Variants in VTI1A observed in about 807,000 individuals in gnomAD.
The protein encoded by VTI1A is vesicle transport through interaction with t-SNAREs 1A.
Under a neutral mutation model 34.9 loss-of-function variants are expected in VTI1A, and 22 were observed. That is an observed-to-expected ratio of 0.63 (90% CI 0.45 to 0.90). VTI1A has a LOEUF of 0.90. Among genes scored for constraint, VTI1A ranks in the 40% least tolerant of loss-of-function variants. The pLI, the probability that VTI1A is intolerant of heterozygous loss-of-function variation, is 0.00. For synonymous variants in VTI1A, 87 were observed against 97.3 expected (o/e 0.89, Z 0.62); for missense variants, 268 against 275.6 (o/e 0.97, Z 0.20).
chr10:112,742,492 A>G (rs549765992), intron 7 of VTI1A, among the ~76,000 whole-genome samples: 2 of 152,270 alleles, frequency 1.3e-5, no homozygotes, highest in South Asian at 4.1e-4. Context: ...ACCCAAAACT[A>G]TTTTTCTTCC....
chr10:112,736,111 GTATATATATATA>G, intron 7 of VTI1A, among the ~76,000 whole-genome samples: 1 of 116,224 alleles, frequency 8.6e-6, no homozygotes, highest in East Asian at 2.4e-4. Flanking sequence ...ATGTGTGTGT[GTATATATATATA>G]TATATATATA....
In VTI1A at chr10:112,799,553, A is replaced by C. The variant is rs1852800916; in HGVS notation, c.561-15737A>C. 2.6e-5 allele frequency among the ~76,000 whole-genome samples: 4 copies of C among 151,978 alleles called. No homozygotes were observed. In the South Asian group the frequency reaches 8.3e-4, roughly 31 times the overall value. On this transcript the variant is annotated intron_variant, in intron 7 of 7. Coordinates refer to ENST00000393077, the MANE Select transcript of VTI1A (RefSeq NM_145206.4). ...CTGATGCCTACAGCCTGCAGACTGG[A>C]TCTCCCCCACCCTCACAGGACTTTC... is the stretch of plus-strand genomic sequence containing the variant.
At chr10:112,786,189 T>A (rs1852282267) in intron 7 of VTI1A, among the ~76,000 whole-genome samples, 1 of 152,252 alleles carries the variant, frequency 6.6e-6, no homozygotes, top group Non-Finnish European at 1.5e-5. Context: ...TTTCTAAGTT[T>A]TGCATTCTTT....
rs1317182057 is a variant in VTI1A, at chr10:112,696,603, A to G, written c.560+27605A>G. The stretch of plus-strand genomic sequence containing the variant: ...TGGTCAAAATAAAACTATTAAACAT[A>G]AACTAAGAAAACCTATGAGCAACTT... On this transcript the variant is annotated intron_variant, in intron 7 of 7. Transcript: ENST00000393077. 2.6e-5 allele frequency among the ~76,000 whole-genome samples: 4 copies of G among 152,246 alleles called. No individual in the cohort carries two copies. In the East Asian group the frequency reaches 7.7e-4, roughly 29 times the overall value.
intron 7 of VTI1A, among the ~76,000 whole-genome samples, chr10:112,804,612 C>T (rs980746477): frequency 2.0e-5 from 3 of 152,182 alleles, no homozygotes; most frequent in African/African-American, 7.2e-5. Flanking sequence ...AGATTATGGG[C>T]ACAGAACACA....
At chr10:112,601,767 T>C (rs1483105021) in intron 5 of VTI1A, among the ~76,000 whole-genome samples, 1 of 152,196 alleles carries the variant, frequency 6.6e-6, no homozygotes, top group East Asian at 1.9e-4. Context: ...CTCTGAGGTA[T>C]CACTATTAGT....
chr10:112,831,668 G>A, the VTI1A span: 1 of 152,280 alleles, frequency 6.6e-6, no homozygotes, highest in Middle Eastern at 3.4e-3. Context: ...GATTTTGATA[G>A]CCCAAGTGAA....
rs75010809 is a variant in VTI1A at position 112,751,026 on chromosome 10, G to A, written c.561-64264G>A. 9.2e-3 allele frequency among the ~76,000 whole-genome samples: 1,396 copies of A among 152,246 alleles called. 11 individuals carry two copies. Among genetic ancestry groups the A allele is most frequent in the Non-Finnish European group, 0.014 (963 of 68,018 alleles). On this transcript the variant is annotated intron_variant, in intron 7 of 7. Transcript: ENST00000393077. ...CCCCTATTTTTAAGTGTGAGTGTATGAATGTGTGTTTTGTTCTCTTCCTTT... is the reference window on the plus strand; with the variant it reads ...CCCCTATTTTTAAGTGTGAGTGTATAAATGTGTGTTTTGTTCTCTTCCTTT...
chr10:112,752,686 A>T (rs546006361), intron 7 of VTI1A: 1 of 504,552 alleles, frequency 2.0e-6, no homozygotes, highest in African/African-American at 2.1e-5. Context: ...GCCTCCACTT[A>T]GGAAACTATG....
intron 7 of VTI1A, among the ~76,000 whole-genome samples, chr10:112,710,803 CTG>C (rs150496095): frequency 6.6e-5 from 10 of 150,724 alleles, no homozygotes; most frequent in African/African-American, 1.5e-4. Context: ...CCATGTGTAT[CTG>C]TGTGTGTGTG....
At chr10:112,712,511 C>CACACACACAT (rs772752445) in intron 7 of VTI1A, among the ~76,000 whole-genome samples, 13 of 147,870 alleles carry the variant, frequency 8.8e-5, no homozygotes, top group African/African-American at 3.2e-4. Context: ...CACACACACA[C>CACACACACAT]ATTAAATGAT....
intron 2 of VTI1A, among the ~76,000 whole-genome samples, chr10:112,461,079 G>A (rs1042492008): frequency 1.3e-5 from 2 of 152,152 alleles, no homozygotes; most frequent in Non-Finnish European, 2.9e-5. Context: ...AGAGACAAAA[G>A]ATTTTTATTA....
chr10:112,576,771 T>A (rs1843726383), intron 5 of VTI1A, among the ~76,000 whole-genome samples: 1 of 152,240 alleles, frequency 6.6e-6, no homozygotes, highest in South Asian at 2.1e-4. Context: ...GGCTTTAGGC[T>A]ATATATGTCA....
chr10:112,610,730 C>T (rs1219937762), intron 5 of VTI1A, among the ~76,000 whole-genome samples: 1 of 151,840 alleles, frequency 6.6e-6, no homozygotes. Flanking sequence ...TCCTGGCTAA[C>T]ATGGTGAAAC....
At chr10:112,553,910 T>C (rs1454801024) in intron 5 of VTI1A, among the ~76,000 whole-genome samples, 1 of 152,202 alleles carries the variant, frequency 6.6e-6, no homozygotes, top group Non-Finnish European at 1.5e-5. Context: ...TATTTATTTC[T>C]TGCCTACTTC....
chr10:112,612,581 C>G (rs11196019), intron 5 of VTI1A, among the ~76,000 whole-genome samples: 20,882 of 152,090 alleles, frequency 0.14, 1,826 homozygotes, highest in African/African-American at 0.24. Context: ...GCTGCCACAT[C>G]CAGCCAATTT....
intron 7 of VTI1A, among the ~76,000 whole-genome samples, chr10:112,773,727 A>G (rs1851879200): frequency 6.6e-6 from 1 of 152,194 alleles, no homozygotes; most frequent in Non-Finnish European, 1.5e-5. Context: ...GTGGGAAGAG[A>G]GGACCAAGAG....
At chr10:112,564,194 GA>G (rs1851825215) in intron 5 of VTI1A, among the ~76,000 whole-genome samples, 1 of 151,086 alleles carries the variant, frequency 6.6e-6, no homozygotes, top group Non-Finnish European at 1.5e-5. Flanking sequence ...TGCATGGAAT[GA>G]AAAAAGCTTT....
intron 7 of VTI1A, among the ~76,000 whole-genome samples, chr10:112,761,587 C>T (rs890876078): frequency 8.5e-5 from 13 of 152,104 alleles, no homozygotes; most frequent in African/African-American, 2.7e-4. Context: ...CACAGCCTGA[C>T]GTTATTCTTA....
Sources: gnomAD v4.1 joint callset for allele counts (sites outside exome capture counted in the v4.1 genomes callset) on GRCh38, gnomAD v4.1.1 for gene constraint, MANE v1.5 for transcripts, NCBI Gene and HGNC (gene_info 2026-07-23, HGNC 2026-07-21) for gene names.